Variants in NTNG2 observed in about 807,000 individuals in gnomAD.
NTNG2 encodes the protein netrin G2, also known as netrin-G2.
A neutral mutation model predicts 47.6 loss-of-function variants in NTNG2; 15 were observed. The ratio of observed to expected loss-of-function variants is 0.32; its 90% CI spans 0.21 to 0.49. The LOEUF (loss-of-function observed/expected upper bound fraction) is 0.49, where lower values mean the gene tolerates loss of function less well. Ranked by LOEUF, NTNG2 falls within the 20% of genes least tolerant of loss-of-function variation. The pLI, the probability that NTNG2 is intolerant of heterozygous loss-of-function variation, is 0.99. For missense variants in NTNG2, 578 were observed against 764.6 expected (o/e 0.76, Z 2.88); for synonymous variants, 307 against 324.6 (o/e 0.95, Z 0.58).
At chr9:132,190,053 G>A (rs1837750833) in intron 2 of NTNG2, among the ~76,000 whole-genome samples, 1 of 147,932 alleles carries the variant, frequency 6.8e-6, no homozygotes, top group African/African-American at 2.5e-5. Context: ...CTAACACGGT[G>A]AAACCCCGTC....
At chr9:132,167,133 G>A (rs1835549976) in intron 2 of NTNG2, 89 bp downstream of exon 2, 1 of 1,403,868 alleles carries the variant, frequency 7.1e-7, no homozygotes, top group Non-Finnish European at 9.9e-7. Flanking sequence ...AGAGCTGGAG[G>A]ACTGAGATGC....
chr9:132,195,747 G>A (rs1207745291), intron 2 of NTNG2, among the ~76,000 whole-genome samples: 1 of 152,004 alleles, frequency 6.6e-6, no homozygotes, highest in Non-Finnish European at 1.5e-5. Context: ...TCCAGCCCCA[G>A]CCTCCCAAGT....
chr9:132,213,669 C>T (rs946767029), intron 3 of NTNG2, among the ~76,000 whole-genome samples: 1 of 149,756 alleles, frequency 6.7e-6, no homozygotes, highest in African/African-American at 2.5e-5. Context: ...TTATTTTGCC[C>T]ATAACCCAGA....
intron 2 of NTNG2, among the ~76,000 whole-genome samples, chr9:132,167,622 C>A (rs1293746503): frequency 6.6e-6 from 1 of 152,166 alleles, no homozygotes; most frequent in East Asian, 1.9e-4. Context: ...CAGCTTGGGT[C>A]CCCTTCCACT....
intron 2 of NTNG2, among the ~76,000 whole-genome samples, chr9:132,190,410 A>T (rs1837793551): frequency 6.6e-6 from 1 of 151,860 alleles, no homozygotes; most frequent in African/African-American, 2.4e-5. Context: ...CACCCTGGCG[A>T]TTTCATCCCA....
At position 132,174,260 on chromosome 9, in the gene NTNG2, G is replaced by A. The variant is rs144347493; in HGVS notation, c.213+7216G>A. On this transcript the variant is annotated intron_variant, in intron 2 of 7. Transcript: ENST00000393229. ...GGCCGCACCATGCTGTGGATGAGAT[G>A]GATGGATGGACAGACGGACAGACAG... Among the ~76,000 whole-genome samples the A allele has an allele frequency of 9.1e-3, 1,296 of 141,808 alleles. 15 individuals are homozygous for A. The highest frequency in any genetic ancestry group is 0.015 in the Non-Finnish European group (989 of 65,312). 93.0% of individuals were successfully genotyped at this position (141,808 alleles called of 152,430 possible).
At chr9:132,225,953 G>A (rs762840715) in intron 3 of NTNG2, among the ~76,000 whole-genome samples, 67 of 152,208 alleles carry the variant, frequency 4.4e-4, no homozygotes, top group Non-Finnish European at 8.4e-4. Flanking sequence ...TTTCCTGTGC[G>A]CTCACAGCTG....
chr9:132,182,442 G>A lies in NTNG2; in HGVS notation c.213+15398G>A, dbSNP rs562904534. Among the ~76,000 whole-genome samples the A allele has an allele frequency of 6.6e-6, 1 of 152,278 alleles. No individual in the cohort carries two copies. The highest frequency in any genetic ancestry group is 2.4e-5 in the African/African-American group (1 of 41,552). On this transcript the variant is annotated intron_variant, in intron 2 of 7. Coordinates refer to ENST00000393229, the MANE Select transcript of NTNG2 (RefSeq NM_032536.4). This position sits in a 1 kb window ranked among gnomAD's most constrained non-coding sequence, Gnocchi z 4.2. The stretch of plus-strand genomic sequence containing the variant: ...TTGGCCGCCTCTCAGCCTAGAGGAG[G>A]GGCACTGGAAGGAGGAGGCCCAAGT...
intron 2 of NTNG2, among the ~76,000 whole-genome samples, chr9:132,171,175 G>C (rs1835890060): frequency 6.6e-6 from 1 of 152,192 alleles, no homozygotes; most frequent in African/African-American, 2.4e-5. Flanking sequence ...CCTGACAAGA[G>C]CTACAGGCCT....
At chr9:132,205,673 G>A (rs1303673453) in intron 3 of NTNG2, among the ~76,000 whole-genome samples, 1 of 152,110 alleles carries the variant, frequency 6.6e-6, no homozygotes, top group African/African-American at 2.4e-5. Context: ...TTGAGGTCAG[G>A]AGCTCAAGAC....
Position 132,208,638 on chromosome 9 carries a change from A to G in NTNG2, c.857+10029A>G, listed in dbSNP as rs78218984. Among the ~76,000 whole-genome samples, 258 of 152,308 alleles carry G rather than the reference A, an allele frequency of 1.7e-3. No individual in the cohort carries two copies. Among genetic ancestry groups the G allele is most frequent in the Middle Eastern group, 6.8e-3 (2 of 294 alleles). ...GAGGCATCATGGAGGACTCCCAGGC[A>G]TCTGGCTTTGAGACACTGGGTGGAT... On this transcript the variant is annotated intron_variant, in intron 3 of 7. Transcript: ENST00000393229. This position sits in a 1 kb window ranked among gnomAD's most constrained non-coding sequence, Gnocchi z 4.0.
chr9:132,179,006 CT>C (rs945260580), intron 2 of NTNG2, among the ~76,000 whole-genome samples: 7 of 143,500 alleles, frequency 4.9e-5, no homozygotes, highest in South Asian at 4.3e-4. Context: ...ACATCCCCCC[CT>C]CTCATTTCCT....
At chr9:132,211,736 A>G (rs1055935693) in intron 3 of NTNG2, among the ~76,000 whole-genome samples, 7 of 152,058 alleles carry the variant, frequency 4.6e-5, no homozygotes, top group African/African-American at 1.7e-4. Flanking sequence ...CCCCTTCTCC[A>G]GCCTTGGCGG....
intron 3 of NTNG2, among the ~76,000 whole-genome samples, chr9:132,214,880 T>C: frequency 6.6e-6 from 1 of 152,028 alleles, no homozygotes. Flanking sequence ...AAAAATTTTT[T>C]TTTTTTTTAG....
At chr9:132,164,184 T>G (rs1835322570) in intron 1 of NTNG2, among the ~76,000 whole-genome samples, 1 of 152,234 alleles carries the variant, frequency 6.6e-6, no homozygotes, top group Non-Finnish European at 1.5e-5. Flanking sequence ...GTAAACACAT[T>G]TTTCCCCTGG....
rs544350157 is a variant in NTNG2, at chr9:132,197,246, G to A, written c.214-720G>A. Among the ~76,000 whole-genome samples the A allele has an allele frequency of 1.7e-4, 26 of 152,212 alleles. No individual in the cohort carries two copies. The highest frequency in any genetic ancestry group is 6.3e-4 in the African/African-American group (26 of 41,538). On this transcript the variant is annotated intron_variant, in intron 2 of 7. Coordinates refer to ENST00000393229, the MANE Select transcript of NTNG2 (RefSeq NM_032536.4). This position sits in a 1 kb window ranked among gnomAD's most constrained non-coding sequence, Gnocchi z 4.3. ...TCTACTAAAAACACAAAAATTAGCC[G>A]GGCGTGGTGGTGCATGCCTGTAATC...
chr9:132,198,100 C>G lies in NTNG2; in HGVS notation c.348C>G (p.Pro116=), dbSNP rs758834216. The change falls in exon 3 of 8, where the codon CCC becomes CCG. Residue 116 remains proline (P), a synonymous_variant. Coordinates refer to ENST00000393229, the MANE Select transcript of NTNG2 (RefSeq NM_032536.4). ...YWQSITWSRY[P]SPLEANITLS... Reference sequence around the variant, plus strand: ...AGAGCATCACCTGGAGCCGCTACCCCAGCCCGCTGGAAGCCAACATCACCC... The same window carrying G: ...AGAGCATCACCTGGAGCCGCTACCCGAGCCCGCTGGAAGCCAACATCACCC... 5.1e-5 allele frequency: 83 copies of G among 1,613,930 alleles called. 1 individual carries two copies. The South Asian group carries it at 6.1e-4, about 12-fold the overall frequency.
rs1835093816 is a variant in NTNG2, at chr9:132,162,313, T to A, written c.-484+74T>A. ...AGCTTGGCCAGGCCGGTTTCATTTT[T>A]AAAGGGCTTCGGTGACCATGCAGGC... On this transcript the variant is annotated intron_variant, in intron 1 of 7. Transcript: ENST00000393229. The surrounding 1 kb of genome is among the most constrained non-coding windows in gnomAD (Gnocchi z 4.6). 6.6e-6 allele frequency: 1 copy of A among 152,036 alleles called. No homozygotes were observed. The highest frequency in any genetic ancestry group is 2.4e-5 in the African/African-American group (1 of 41,422). The allele number at this position is 152,036 out of a possible 1,614,324, so 9.4% of individuals were successfully genotyped here.
intron 2 of NTNG2, among the ~76,000 whole-genome samples, chr9:132,168,902 C>T (rs1194034893): frequency 6.6e-6 from 1 of 152,194 alleles, no homozygotes; most frequent in Non-Finnish European, 1.5e-5. Flanking sequence ...AGATGACCCT[C>T]AGAGTCAAGT....
Sources: allele counts gnomAD v4.1 joint callset (sites outside exome capture counted in the v4.1 genomes callset), GRCh38; gene constraint gnomAD v4.1.1; non-coding constraint Gnocchi (gnomAD v3.1); transcripts MANE v1.5; gene names NCBI Gene and HGNC (gene_info 2026-07-23, HGNC 2026-07-21).